THUMPD3: variants seen among roughly 807,000 people sequenced by gnomAD.
The protein encoded by THUMPD3 is tRNA (guanine(6)-N(2))-methyltransferase THUMP3.
In THUMPD3, 44 loss-of-function variants were observed where a neutral mutation model predicts 54.5. That is an observed-to-expected ratio of 0.81 (90% confidence interval 0.63 to 1.04). The LOEUF (loss-of-function observed/expected upper bound fraction) is 1.04. THUMPD3 is among the 50% of genes least tolerant of loss of function. The probability of loss-of-function intolerance (pLI) is 0.00; values close to 1 mark genes in which losing one functional copy is unlikely to be tolerated. For missense variants in THUMPD3, 604 were observed against 601.3 expected (o/e 1.00, Z -0.05); for synonymous variants, 196 against 201.4 (o/e 0.97, Z 0.23).
intron 3 of THUMPD3, among the ~76,000 whole-genome samples, chr3:9,368,815 C>T (rs921846548): frequency 1.3e-5 from 2 of 152,114 alleles, no homozygotes; most frequent in Non-Finnish European, 2.9e-5. Flanking sequence ...TATGCAGCTC[C>T]CTCCCTGGAG....
Position 9,384,852 on chromosome 3 carries a change from A to T in THUMPD3, c.*164A>T. ...TGTGAATGTAATGTGATGGAATTTAAAAGTTTTATGAGACCAGGCACAGTG... is the reference window on the plus strand; with the variant it reads ...TGTGAATGTAATGTGATGGAATTTATAAGTTTTATGAGACCAGGCACAGTG... On this transcript the variant is annotated 3_prime_UTR_variant, in exon 10 of 10. Coordinates refer to ENST00000452837, the MANE Select transcript of THUMPD3 (RefSeq NM_001114092.2). 1.2e-6 allele frequency: 1 copy of T among 800,492 alleles called. No individual in the cohort carries two copies. The highest frequency in any genetic ancestry group is 1.9e-6 in the Non-Finnish European group (1 of 520,026). 49.6% of individuals were successfully genotyped at this position (800,492 alleles called of 1,614,324 possible). A position where few individuals can be genotyped will look rare whatever the true frequency, so the allele number is the denominator to read the frequency against.
intron 3 of THUMPD3, 92 bp downstream of exon 3, chr3:9,367,077 C>A: frequency 2.0e-6 from 2 of 1,016,732 alleles, no homozygotes. Context: ...TTTAGCATTA[C>A]TGTAGTCTTT....
chr3:9,378,776 T>C (rs976488718), intron 6 of THUMPD3, among the ~76,000 whole-genome samples: 2 of 152,158 alleles, frequency 1.3e-5, no homozygotes, highest in Non-Finnish European at 2.9e-5. Flanking sequence ...CCGTGAAAGC[T>C]AGAGAAATTA....
chr3:9,363,249 G>T (rs979941056), intron 1 of THUMPD3, 122 bp downstream of exon 1: 80 of 152,398 alleles, frequency 5.2e-4, no homozygotes, highest in African/African-American at 1.9e-3. Flanking sequence ...GGCGGATCTC[G>T]TGGCGGAGCC....
chr3:9,364,435 C>G (rs1208370241), intron 1 of THUMPD3, among the ~76,000 whole-genome samples: 1 of 152,082 alleles, frequency 6.6e-6, no homozygotes, highest in Non-Finnish European at 1.5e-5. Flanking sequence ...CAATCTCCAC[C>G]TCCCGGATTC....
chr3:9,372,531 G>C (rs973252283), intron 4 of THUMPD3, among the ~76,000 whole-genome samples: 1 of 151,704 alleles, frequency 6.6e-6, no homozygotes, highest in African/African-American at 2.4e-5. Context: ...AGTGAGCCAA[G>C]ATCATGCCAC....
intron 7 of THUMPD3, 94 bp from the exon 8 acceptor site, chr3:9,383,105 G>A (rs1422425258): frequency 2.6e-6 from 2 of 760,900 alleles, no homozygotes; most frequent in Non-Finnish European, 4.6e-6. Context: ...AGCAGTTTAT[G>A]TTTTGCTGTA....
At chr3:9,368,774 AAAGT>A (rs1274248540) in intron 3 of THUMPD3, among the ~76,000 whole-genome samples, 3 of 152,212 alleles carry the variant, frequency 2.0e-5, no homozygotes, top group African/African-American at 4.8e-5. Flanking sequence ...TATAGAGTGA[AAAGT>A]AAGTCTTTGT....
chr3:9,380,450 A>G lies in THUMPD3; in HGVS notation c.1009-53A>G, dbSNP rs903698970. 1.5e-5 allele frequency: 18 copies of G among 1,193,130 alleles called. No individual in the cohort carries two copies. In the African/African-American group the frequency reaches 2.6e-4, roughly 17 times the overall value. 73.9% of individuals were successfully genotyped at this position (1,193,130 alleles called of 1,614,324 possible). A position where few individuals can be genotyped will look rare whatever the true frequency, so the allele number is the denominator to read the frequency against. On this transcript the variant is annotated intron_variant, in intron 6 of 9. Coordinates refer to ENST00000452837, the MANE Select transcript of THUMPD3 (RefSeq NM_001114092.2). ...ATTTTCTTTGTTTGTTGACAATTTA[A>G]TCATATTTTACAGTTTGCTACTTTT...
At chr3:9,374,742 T>C in intron 5 of THUMPD3, 96 bp downstream of exon 5, 1 of 1,382,498 alleles carries the variant, frequency 7.2e-7, no homozygotes, top group South Asian at 1.3e-5. Flanking sequence ...TTTGAGGTAC[T>C]GTGTTGGAAT....
intron 4 of THUMPD3, among the ~76,000 whole-genome samples, chr3:9,373,288 T>A (rs1288866690): frequency 1.3e-5 from 2 of 151,756 alleles, no homozygotes; most frequent in African/African-American, 2.4e-5. Context: ...AGGCCAGGAG[T>A]TCTAGACCAG....
Position 9,384,855 on chromosome 3 carries a change from G to A in THUMPD3, c.*167G>A, listed in dbSNP as rs1575090715. 17 of 762,048 alleles carry A rather than the reference G, an allele frequency of 2.2e-5. No homozygotes were observed. The East Asian group carries it at 4.7e-4, about 21-fold the overall frequency. 47.2% of individuals were successfully genotyped at this position (762,048 alleles called of 1,614,324 possible). On this transcript the variant is annotated 3_prime_UTR_variant, in exon 10 of 10. Transcript: ENST00000452837. ...GAATGTAATGTGATGGAATTTAAAA[G>A]TTTTATGAGACCAGGCACAGTGGCT...
At chr3:9,372,911 T>C (rs963975901) in intron 4 of THUMPD3, among the ~76,000 whole-genome samples, 1 of 152,142 alleles carries the variant, frequency 6.6e-6, no homozygotes, top group Non-Finnish European at 1.5e-5. Flanking sequence ...TTTTTGTGCA[T>C]GTCAAATCAG....
intron 6 of THUMPD3, among the ~76,000 whole-genome samples, chr3:9,378,471 A>T (rs1278912562): frequency 1.3e-5 from 2 of 152,260 alleles, no homozygotes; most frequent in Non-Finnish European, 2.9e-5. Context: ...ATTCCCCTTG[A>T]ATAATCAGTA....
In THUMPD3 at chr3:9,384,328, T is replaced by A. The variant is rs201729983; in HGVS notation, c.1352T>A (p.Phe451Tyr). Residue 451 changes from phenylalanine (F) to tyrosine (Y), a missense_variant, in exon 9 of 10, where the codon TTT (phenylalanine) becomes TAT (tyrosine). Physicochemically the swap from Phe to Tyr is conservative, Grantham distance 22 (BLOSUM62 3). Coordinates refer to ENST00000452837, the MANE Select transcript of THUMPD3 (RefSeq NM_001114092.2). ...CTACTTACTCAAGACACAAAATGCT[T>A]TACCAAGGTGCTATACACATTAGCT... ...AVLLTQDTKC[F>Y]TKALSGMRHV... The A allele has an allele frequency of 3.8e-5, 61 of 1,613,712 alleles. No homozygotes were observed. Among genetic ancestry groups the A allele is most frequent in the Non-Finnish European group, 4.9e-5 (58 of 1,179,964 alleles).
rs767286151 is a variant in THUMPD3, at chr3:9,384,496, A to G, written c.1360-28A>G. 18 of 1,612,238 alleles carry G rather than the reference A, an allele frequency of 1.1e-5. No individual in the cohort carries two copies. In the East Asian group the frequency reaches 3.6e-4, roughly 32 times the overall value. ...TGATGTAAAAGTAGATTGTCAACCT[A>G]ATTGTTATTTTTTTTGTGTGTACAC... On this transcript the variant is annotated intron_variant, in intron 9 of 9. Coordinates refer to ENST00000452837, the MANE Select transcript of THUMPD3 (RefSeq NM_001114092.2).
intron 3 of THUMPD3, among the ~76,000 whole-genome samples, chr3:9,367,459 A>G (rs1017947363): frequency 2.6e-4 from 40 of 152,182 alleles, no homozygotes; most frequent in Admixed American, 7.2e-4. Context: ...TGTCTCCAAT[A>G]TGTATTTAGC....
At chr3:9,372,417 T>C (rs2032124152) in intron 4 of THUMPD3, among the ~76,000 whole-genome samples, 4 of 151,972 alleles carry the variant, frequency 2.6e-5, no homozygotes, top group Admixed American at 2.0e-4. Flanking sequence ...CTGTCTCTAC[T>C]AAAAATACAA....
chr3:9,383,320 C>A lies in THUMPD3; in HGVS notation c.1235+11C>A, dbSNP rs771860507. ...GCCATTTGGAAAAAGGTGAGAAATA[C>A]TAGTACCTGCTTGTCTTCTAAATAT... is the stretch of plus-strand genomic sequence containing the variant. On this transcript the variant is annotated intron_variant, in intron 8 of 9. Coordinates refer to ENST00000452837, the MANE Select transcript of THUMPD3 (RefSeq NM_001114092.2). The A allele has an allele frequency of 5.9e-6, 9 of 1,535,108 alleles. No homozygotes were observed. The East Asian group carries it at 2.0e-4, about 35-fold the overall frequency.
Sources: gnomAD v4.1 joint callset for allele counts (sites outside exome capture counted in the v4.1 genomes callset) on GRCh38, gnomAD v4.1.1 for gene constraint, MANE v1.5 for transcripts, NCBI Gene and HGNC (gene_info 2026-07-23, HGNC 2026-07-21) for gene names.